CORO2B: variants seen among roughly 807,000 people sequenced by gnomAD.
CORO2B encodes the protein coronin-2B.
A neutral mutation model predicts 58.8 loss-of-function variants in CORO2B; 26 were observed. That is an observed-to-expected ratio of 0.44 (90% CI 0.32 to 0.61). CORO2B has a LOEUF of 0.61. Ranked by LOEUF, CORO2B falls within the 20% of genes least tolerant of loss-of-function variation. The probability of loss-of-function intolerance (pLI) is 0.04; values close to 1 mark genes in which losing one functional copy is unlikely to be tolerated. For missense variants in CORO2B, 460 were observed against 645.1 expected (o/e 0.71, Z 3.11); for synonymous variants, 242 against 253.8 (o/e 0.95, Z 0.44).
At chr15:68,724,272 C>T (rs1164691590) in intron 11 of CORO2B, among the ~76,000 whole-genome samples, 1 of 152,104 alleles carries the variant, frequency 6.6e-6, no homozygotes, top group African/African-American at 2.4e-5. Context: ...GATGCAGGAC[C>T]AGGACCTTTT....
At position 68,710,052 on chromosome 15, in the gene CORO2B, T is replaced by C. The variant is rs1892878476; in HGVS notation, c.334-680T>C. ...GTCTGGGGCCACGTGGTCTCCTCTC[T>C]GCTTCTCTCTGCATGTCCCATCCTC... On this transcript the variant is annotated intron_variant, in intron 3 of 11. Transcript: ENST00000261861. This position sits in a 1 kb window ranked among gnomAD's most constrained non-coding sequence, Gnocchi z 4.1. Among the ~76,000 whole-genome samples the C allele has an allele frequency of 6.6e-6, 1 of 152,246 alleles. No individual in the cohort carries two copies. Among genetic ancestry groups the C allele is most frequent in the Admixed American group, 6.5e-5 (1 of 15,284 alleles).
At chr15:68,667,390 G>A (rs1046977603) in intron 2 of CORO2B, among the ~76,000 whole-genome samples, 1 of 152,194 alleles carries the variant, frequency 6.6e-6, no homozygotes, top group African/African-American at 2.4e-5. Flanking sequence ...GGGGTATCGT[G>A]GTCTGTTTTC....
the CORO2B span, among the ~76,000 whole-genome samples, chr15:68,558,488 C>T: frequency 6.6e-6 from 1 of 152,166 alleles, no homozygotes. Flanking sequence ...CTCCTTCCTG[C>T]CTCAGCCTCC....
the CORO2B span, among the ~76,000 whole-genome samples, chr15:68,552,005 C>T: frequency 2.3e-3 from 356 of 152,154 alleles, 3 homozygotes; most frequent in African/African-American, 8.4e-3. Context: ...GAGATGCCTG[C>T]TTCTTCTCTA....
intron 1 of CORO2B, among the ~76,000 whole-genome samples, chr15:68,592,838 T>C (rs1899739062): frequency 6.6e-6 from 1 of 152,220 alleles, no homozygotes; most frequent in South Asian, 2.1e-4. Flanking sequence ...GAGGTGGTTC[T>C]CAACCCCGGC....
In CORO2B at chr15:68,694,736, G is replaced by A. The variant is rs568242697; in HGVS notation, c.217-404G>A. Reference sequence around the variant, plus strand: ...GTAGGTACACCCAGCATCTGAGCGTGCGTGAACAAGGCAGATCGTGGGCCT... The same window carrying A: ...GTAGGTACACCCAGCATCTGAGCGTACGTGAACAAGGCAGATCGTGGGCCT... On this transcript the variant is annotated intron_variant, in intron 2 of 11. Coordinates refer to ENST00000261861, the MANE Select transcript of CORO2B (RefSeq NM_006091.5). Among the ~76,000 whole-genome samples the A allele has an allele frequency of 2.0e-5, 3 of 152,346 alleles. No individual in the cohort carries two copies. In the East Asian group the frequency reaches 5.8e-4, roughly 29 times the overall value.
At chr15:68,542,140 T>C in the CORO2B span, among the ~76,000 whole-genome samples, 1 of 152,206 alleles carries the variant, frequency 6.6e-6, no homozygotes, top group Non-Finnish European at 1.5e-5. Context: ...GGCTAGTAAA[T>C]CCAGTCTCTT....
Position 68,579,130 on chromosome 15 carries a change from G to C in CORO2B, c.-133G>C, listed in dbSNP as rs1430544039. On this transcript the variant is annotated 5_prime_UTR_variant, in exon 1 of 12. Transcript: ENST00000261861. ...TGCCCGCCCGGAGCGCAGCCCCCAGGCTCGGCCGAGCCGCCGGCGGGGCGC... is the reference window on the plus strand; with the variant it reads ...TGCCCGCCCGGAGCGCAGCCCCCAGCCTCGGCCGAGCCGCCGGCGGGGCGC... The C allele has an allele frequency of 5.1e-6, 5 of 981,698 alleles. No homozygotes were observed. The highest frequency in any genetic ancestry group is 6.0e-6 in the Non-Finnish European group (5 of 828,440). 60.8% of individuals were successfully genotyped at this position (981,698 alleles called of 1,614,324 possible).
chr15:68,644,684 C>T (rs983882912), intron 1 of CORO2B, among the ~76,000 whole-genome samples: 1 of 152,116 alleles, frequency 6.6e-6, no homozygotes, highest in Non-Finnish European at 1.5e-5. Context: ...TGCCTTCTTG[C>T]ACGTGGAGAG....
chr15:68,601,453 G>A (rs1438652504), intron 1 of CORO2B, among the ~76,000 whole-genome samples: 5 of 152,206 alleles, frequency 3.3e-5, no homozygotes, highest in Non-Finnish European at 7.3e-5. Context: ...GCCTCAGCCT[G>A]CACGGAGCTT....
At chr15:68,529,103 G>A in the CORO2B span, among the ~76,000 whole-genome samples, 3 of 152,124 alleles carry the variant, frequency 2.0e-5, no homozygotes, top group South Asian at 4.1e-4. Context: ...CAAAGGGAGC[G>A]AAGTACGTGG....
At chr15:68,702,215 T>C (rs966029150) in intron 3 of CORO2B, among the ~76,000 whole-genome samples, 1 of 152,156 alleles carries the variant, frequency 6.6e-6, no homozygotes, top group African/African-American at 2.4e-5. Flanking sequence ...AGCTCCTCCT[T>C]TCCTAGCTGT....
At chr15:68,593,627 C>CA (rs1352329717) in intron 1 of CORO2B, among the ~76,000 whole-genome samples, 1 of 151,526 alleles carries the variant, frequency 6.6e-6, no homozygotes. Flanking sequence ...CAAGGGAGCT[C>CA]AGAGAGGAGG....
chr15:68,663,033 A>G (rs1356693358), intron 2 of CORO2B, among the ~76,000 whole-genome samples: 1 of 152,120 alleles, frequency 6.6e-6, no homozygotes, highest in Non-Finnish European at 1.5e-5. Context: ...TTGTCGCTAA[A>G]CTCAAAGAAA....
chr15:68,602,281 G>A (rs1426017713), intron 1 of CORO2B, among the ~76,000 whole-genome samples: 2 of 152,008 alleles, frequency 1.3e-5, no homozygotes, highest in Non-Finnish European at 2.9e-5. Context: ...ACTCTGACAT[G>A]TATTTTTTTG....
At chr15:68,682,010 C>T (rs1902805513) in intron 2 of CORO2B, among the ~76,000 whole-genome samples, 1 of 152,142 alleles carries the variant, frequency 6.6e-6, no homozygotes, top group Non-Finnish European at 1.5e-5. Flanking sequence ...AGTCCCAGCC[C>T]ACCCTGGGTA....
chr15:68,531,636 G>GAAA, the CORO2B span, among the ~76,000 whole-genome samples: 1 of 140,882 alleles, frequency 7.1e-6, no homozygotes, highest in Non-Finnish European at 1.5e-5. Context: ...AAAGAAAGAA[G>GAAA]GAAAGAAAGA....
intron 2 of CORO2B, among the ~76,000 whole-genome samples, chr15:68,689,927 T>C (rs1370997037): frequency 1.3e-5 from 2 of 152,170 alleles, no homozygotes; most frequent in African/African-American, 4.8e-5. Flanking sequence ...ACTGGTAAAA[T>C]TTTTAGGAAT....
intron 3 of CORO2B, among the ~76,000 whole-genome samples, chr15:68,701,410 C>T (rs1892642464): frequency 6.7e-6 from 1 of 150,062 alleles, no homozygotes; most frequent in South Asian, 2.1e-4. Context: ...CTCCCGGGTT[C>T]AGGCCATTCT....
Sources: allele counts gnomAD v4.1 joint callset (sites outside exome capture counted in the v4.1 genomes callset), GRCh38; gene constraint gnomAD v4.1.1; non-coding constraint Gnocchi (gnomAD v3.1); transcripts MANE v1.5; gene names NCBI Gene and HGNC (gene_info 2026-07-23, HGNC 2026-07-21).